Variants in ESR2 observed in about 807,000 individuals in gnomAD.
ESR2 encodes estrogen receptor 2.
In ESR2, 36 loss-of-function variants were observed where a neutral mutation model predicts 49.6. The ratio of observed to expected loss-of-function variants is 0.73; its 90% confidence interval spans 0.56 to 0.96. The LOEUF is 0.96. ESR2 is among the 40% of genes least tolerant of loss of function. ESR2 has a pLI of 0.00. For missense variants in ESR2, 714 were observed against 693.0 expected, an observed-to-expected ratio of 1.03 and a Z score of -0.34; for synonymous variants, 320 against 266.1, an observed-to-expected ratio of 1.20 and a Z score of -1.97.
Position 64,282,733 on chromosome 14 carries a change from G to A in ESR2, c.253C>T (p.His85Tyr). ...CGATGGACCACTAAAGGAGAAAGGT[G>A]CCCAGGTGTTGGCCACAACACATTT... Reference protein sequence around the residue: ...SPNVLWPTPGHLSPLVVHRQL... With the variant: ...SPNVLWPTPGYLSPLVVHRQL... The change falls in exon 2 of 9, where the codon CAC becomes TAC. Residue 85 changes from histidine to tyrosine, a missense_variant. His to Tyr is a moderately conservative substitution (Grantham distance 83). Coordinates refer to ENST00000341099, the MANE Select transcript of ESR2 (RefSeq NM_001437.3). 1 of 1,614,228 alleles carries A rather than the reference G, an allele frequency of 6.2e-7. No homozygotes were observed. Among genetic ancestry groups the A allele is most frequent in the Admixed American group, 1.7e-5 (1 of 60,032 alleles).
rs2098728742 is a variant in ESR2, at chr14:64,233,032, A to G, written c.*105T>C. On this transcript the variant is annotated 3_prime_UTR_variant, in exon 9 of 9. Coordinates refer to ENST00000341099, the MANE Select transcript of ESR2 (RefSeq NM_001437.3). ...TACATGACCAAGCCTGCCATCACCA[A>G]ATGAGGGACCACACAGCAGAAAGAT... The G allele has an allele frequency of 6.7e-7, 1 of 1,499,024 alleles. No individual in the cohort carries two copies. The highest frequency in any genetic ancestry group is 8.9e-7 in the Non-Finnish European group (1 of 1,123,710). The allele number at this position is 1,499,024 out of a possible 1,614,324, so 92.9% of individuals were successfully genotyped here.
At chr14:64,243,756 C>T (rs182121483) in intron 7 of ESR2, among the ~76,000 whole-genome samples, 30 of 152,280 alleles carry the variant, frequency 2.0e-4, no homozygotes, top group African/African-American at 7.2e-4. Flanking sequence ...CTGTTCCTGG[C>T]CCTGTGTGAA....
chr14:64,260,689 G>GTATT lies in ESR2; in HGVS notation c.711_712insAATA (p.Gln238AsnfsTer40). On this transcript the variant is annotated frameshift_variant, in exon 5 of 9. Transcript: ENST00000341099. LOFTEE classifies it high-confidence loss of function. ...TTGGCCTTGCCGGCACAGTGCAGCT[G>GTATT]CTCGTCGGCACTTCTCTGTCTCCGC... 1.3e-6 allele frequency: 2 copies of GTATT among 1,553,560 alleles called. No individual in the cohort carries two copies. The highest frequency in any genetic ancestry group is 2.4e-5 in the South Asian group (2 of 84,010).
At chr14:64,255,455 G>C (rs1345574633) in intron 6 of ESR2, among the ~76,000 whole-genome samples, 4 of 152,086 alleles carry the variant, frequency 2.6e-5, no homozygotes, top group Admixed American at 2.6e-4. Context: ...AAGTAAAACA[G>C]GGCTGTTCTC....
intron 7 of ESR2, among the ~76,000 whole-genome samples, chr14:64,248,192 T>A (rs1321718513): frequency 6.6e-6 from 1 of 151,550 alleles, no homozygotes; most frequent in East Asian, 1.9e-4. Flanking sequence ...ACACCCTGTC[T>A]CAAAAAGAAA....
Position 64,249,497 on chromosome 14 carries a change from A to G in ESR2, c.1225+49T>C, listed in dbSNP as rs770766712. Reference sequence around the variant, plus strand: ...TTCTTAATATCACGCTAGTTGTAGAAACAGCATCTCTCCCCGATAAAACAT... The same window carrying G: ...TTCTTAATATCACGCTAGTTGTAGAGACAGCATCTCTCCCCGATAAAACAT... On this transcript the variant is annotated intron_variant, in intron 7 of 8. Coordinates refer to ENST00000341099, the MANE Select transcript of ESR2 (RefSeq NM_001437.3). 5 of 1,591,830 alleles carry G rather than the reference A, an allele frequency of 3.1e-6. No individual in the cohort carries two copies. In the South Asian group the frequency reaches 5.8e-5, roughly 18 times the overall value.
chr14:64,233,434 A>C, intron 8 of ESR2, 111 bp from the exon 9 acceptor site: 19 of 974,978 alleles, frequency 1.9e-5, no homozygotes, highest in East Asian at 7.5e-5. Flanking sequence ...CCCTAAACCC[A>C]CTCTTCCCCC....
At chr14:64,266,713 C>T (rs2076336898) in intron 4 of ESR2, among the ~76,000 whole-genome samples, 1 of 152,164 alleles carries the variant, frequency 6.6e-6, no homozygotes, top group African/African-American at 2.4e-5. Flanking sequence ...TCTGGATTTT[C>T]AGTTTCAGCC....
intron 1 of ESR2, among the ~76,000 whole-genome samples, chr14:64,325,030 G>A (rs984678786): frequency 6.6e-6 from 1 of 152,122 alleles, no homozygotes; most frequent in South Asian, 2.1e-4. Context: ...TGAGTCACAG[G>A]GTAGGATATA....
intron 4 of ESR2, among the ~76,000 whole-genome samples, chr14:64,263,431 C>T (rs2076260015): frequency 6.6e-6 from 1 of 152,006 alleles, no homozygotes; most frequent in Non-Finnish European, 1.5e-5. Context: ...CCAAGGTGGG[C>T]GGATCACCTG....
intron 1 of ESR2, among the ~76,000 whole-genome samples, chr14:64,309,117 C>T (rs1020437016): frequency 2.0e-5 from 3 of 152,108 alleles, no homozygotes; most frequent in Admixed American, 6.5e-5. Context: ...GTTCAGTAAA[C>T]GGTAGCTATT....
intron 4 of ESR2, among the ~76,000 whole-genome samples, chr14:64,264,968 A>G (rs1205435588): frequency 1.3e-5 from 2 of 152,226 alleles, no homozygotes; most frequent in Non-Finnish European, 2.9e-5. Context: ...GGAATTTACA[A>G]AACAGATTTA....
rs1344725309 is a variant in ESR2, at chr14:64,233,113, G to A, written c.*24C>T. 1 of 1,605,918 alleles carries A rather than the reference G, an allele frequency of 6.2e-7. No homozygotes were observed. The highest frequency in any genetic ancestry group is 8.5e-7 in the Non-Finnish European group (1 of 1,174,120). Reference sequence around the variant, plus strand: ...ACGCTTCAGCCTGTGACCTCTGTGGGCCAGTTCACCTCAGGGCCAGGCGTC... The same window carrying A: ...ACGCTTCAGCCTGTGACCTCTGTGGACCAGTTCACCTCAGGGCCAGGCGTC... On this transcript the variant is annotated 3_prime_UTR_variant, in exon 9 of 9. Transcript: ENST00000341099.
chr14:64,253,598 GTGTGTGTA>G (rs2076035368), intron 6 of ESR2, among the ~76,000 whole-genome samples: 1 of 131,460 alleles, frequency 7.6e-6, no homozygotes, highest in South Asian at 2.3e-4. Context: ...GTGTGTGTGT[GTGTGTGTA>G]TGTATGTGTG....
At chr14:64,270,730 G>A (rs552994452) in intron 3 of ESR2, among the ~76,000 whole-genome samples, 61 of 152,274 alleles carry the variant, frequency 4.0e-4, no homozygotes, top group African/African-American at 1.3e-3. Context: ...GTCTGGTCTC[G>A]AATTCCTGAC....
chr14:64,322,090 C>T (rs2077331110), intron 1 of ESR2, among the ~76,000 whole-genome samples: 2 of 152,012 alleles, frequency 1.3e-5, no homozygotes, highest in South Asian at 4.2e-4. Context: ...CAGAGTTTTG[C>T]TCTTGTCACC....
rs1175280129 is a variant in ESR2, at chr14:64,260,541, G to A, written c.860C>T (p.Ala287Val). Residue 287 changes from alanine (A) to valine (V), a missense_variant, in exon 5 of 9, where the codon GCG (alanine) becomes GTG (valine). Physicochemically the swap from Ala to Val is moderately conservative, Grantham distance 64 (BLOSUM62 0). Transcript: ENST00000341099. ...CATCATGGAGGCCTCGGTGAAGGGC[G>A]CACTGGGGCGGCTGATCAGCACATG... ...PPHVLISRPSAPFTEASMMMS... is the reference protein window; with the variant it reads ...PPHVLISRPSVPFTEASMMMS... The A allele has an allele frequency of 2.5e-6, 4 of 1,575,538 alleles. No homozygotes were observed. The highest frequency in any genetic ancestry group is 2.6e-6 in the Non-Finnish European group (3 of 1,159,764).
intron 6 of ESR2, 128 bp from the exon 7 acceptor site, chr14:64,249,807 A>C (rs2075954047): frequency 7.5e-6 from 7 of 935,760 alleles, no homozygotes; most frequent in Non-Finnish European, 1.1e-5. Context: ...TATCATTTTA[A>C]CTACAACAGG....
chr14:64,254,066 C>T (rs1481322765), intron 6 of ESR2, among the ~76,000 whole-genome samples: 1 of 152,120 alleles, frequency 6.6e-6, no homozygotes, highest in Admixed American at 6.5e-5. Context: ...ATTTTCCTCT[C>T]ATCCTCAGTA....
Sources: gnomAD v4.1 joint callset for allele counts (sites outside exome capture counted in the v4.1 genomes callset) on GRCh38, gnomAD v4.1.1 for gene constraint, MANE v1.5 for transcripts, NCBI Gene and HGNC (gene_info 2026-07-23, HGNC 2026-07-21) for gene names.